MTOR: variants seen among roughly 807,000 people sequenced by gnomAD.
The protein encoded by MTOR is mechanistic target of rapamycin kinase, also known as serine/threonine-protein kinase mTOR.
A neutral mutation model predicts 319.8 loss-of-function variants in MTOR; 70 were observed. That is an observed-to-expected ratio of 0.22 (90% CI 0.18 to 0.27). MTOR has a LOEUF of 0.27. Ranked by LOEUF, MTOR falls within the 10% of genes least tolerant of loss-of-function variation. The pLI, the probability that MTOR is intolerant of heterozygous loss-of-function variation, is 1.00. For synonymous variants in MTOR, 1,183 were observed against 1,211.4 expected (o/e 0.98, Z 0.49); for missense variants, 1,890 against 3,274.4 (o/e 0.58, Z 10.32).
intron 19 of MTOR, among the ~76,000 whole-genome samples, chr1:11,222,387 C>T (rs1056808012): frequency 1.3e-5 from 2 of 152,060 alleles, no homozygotes; most frequent in Non-Finnish European, 2.9e-5. Flanking sequence ...TTAGTAGAGA[C>T]AGGGTTTCAT....
chr1:11,244,998 A>C (rs1648631961), intron 8 of MTOR, among the ~76,000 whole-genome samples: 1 of 152,212 alleles, frequency 6.6e-6, no homozygotes, highest in South Asian at 2.1e-4. Flanking sequence ...TAAGCAATAT[A>C]TGACTGTAAT....
chr1:11,213,319 A>G, intron 21 of MTOR, 80 bp downstream of exon 21: 1 of 1,454,598 alleles, frequency 6.9e-7, no homozygotes, highest in Non-Finnish European at 9.3e-7. Context: ...ACTCAGAATG[A>G]GGTCTCAGCT....
intron 34 of MTOR, among the ~76,000 whole-genome samples, chr1:11,143,108 A>G (rs1643794009): frequency 6.6e-6 from 1 of 152,236 alleles, no homozygotes; most frequent in South Asian, 2.1e-4. Flanking sequence ...GAAAGTTAAA[A>G]TAACAGAAAA....
rs539302006 is a variant in MTOR at position 11,129,830 on chromosome 1, G to A, written c.5622C>T (p.Ser1874=). Residue 1874 remains serine, a synonymous_variant, in exon 40 of 58, where the codon TCC becomes TCT. Coordinates refer to ENST00000361445, the MANE Select transcript of MTOR (RefSeq NM_004958.4). This position sits in a 1 kb window ranked among gnomAD's most constrained non-coding sequence, Gnocchi z 4.7. ...PLQKKVTEDL[S]KTLLMYTVPA... ...GCACCGTGTACATCAGGAGGGTTTT[G>A]GACAGATCCTGTTGGAACACACACG... The A allele has an allele frequency of 3.1e-6, 5 of 1,614,112 alleles. No individual in the cohort carries two copies. The highest frequency in any genetic ancestry group is 4.2e-6 in the Non-Finnish European group (5 of 1,179,964).
rs543805206 is a variant in MTOR at position 11,231,494 on chromosome 1, G to A, written c.2515-60C>T. The A allele has an allele frequency of 4.1e-5, 65 of 1,589,044 alleles. No homozygotes were observed. In the African/African-American group the frequency reaches 8.5e-4, roughly 21 times the overall value. On this transcript the variant is annotated intron_variant, in intron 16 of 57. Coordinates refer to ENST00000361445, the MANE Select transcript of MTOR (RefSeq NM_004958.4). ...GTACGAGAGAAAAGAAAGCATAGTT[G>A]AACTCTTTGTATAATGATTATAATG...
chr1:11,220,329 G>C (rs982080366), intron 19 of MTOR, among the ~76,000 whole-genome samples: 1 of 152,102 alleles, frequency 6.6e-6, no homozygotes, highest in African/African-American at 2.4e-5. Flanking sequence ...AAGTGGGATC[G>C]TATCTACAGT....
chr1:11,126,041 C>CAA (rs757246303), intron 46 of MTOR, among the ~76,000 whole-genome samples: 522 of 27,028 alleles, frequency 0.019, 3 homozygotes, highest in Non-Finnish European at 0.028. Context: ...AACTCTGGCT[C>CAA]AAAAAAAAAA....
At chr1:11,194,744 C>A in intron 28 of MTOR, 1 of 1,600,078 alleles carries the variant, frequency 6.2e-7, no homozygotes, top group Admixed American at 1.7e-5. Flanking sequence ...TATAACTGTA[C>A]AGTTGATATT....
In MTOR at chr1:11,231,290, C is replaced by T. The variant is rs751119247; in HGVS notation, c.2649+10G>A. 2.7e-5 allele frequency: 44 copies of T among 1,613,420 alleles called. No homozygotes were observed. The highest frequency in any genetic ancestry group is 5.0e-5 in the Admixed American group (3 of 59,906). Reference sequence around the variant, plus strand: ...AAGTCTTTAAAGACCAAGTTTGCCACGTCCCCTACCTCTCTGCGTGTACCC... The same window carrying T: ...AAGTCTTTAAAGACCAAGTTTGCCATGTCCCCTACCTCTCTGCGTGTACCC... On this transcript the variant is annotated intron_variant, in intron 17 of 57. Transcript: ENST00000361445.
chr1:11,162,404 C>T (rs1180883218), intron 29 of MTOR, among the ~76,000 whole-genome samples: 6 of 152,124 alleles, frequency 3.9e-5, no homozygotes, highest in African/African-American at 1.4e-4. Flanking sequence ...GCAAGGCAGG[C>T]CAACATTCAA....
In MTOR at chr1:11,256,179, C is replaced by T. The variant is rs774585197; in HGVS notation, c.518G>A (p.Arg173His). 7 of 1,613,844 alleles carry T rather than the reference C, an allele frequency of 4.3e-6. No homozygotes were observed. The highest frequency in any genetic ancestry group is 5.9e-6 in the Non-Finnish European group (7 of 1,179,922). The change falls in exon 5 of 58, where the codon CGT becomes CAT. Residue 173 changes from arginine to histidine, a missense_variant. Physicochemically the swap from Arg to His is conservative, Grantham distance 29 (BLOSUM62 0). Around this residue, in one of 15 missense-constraint regions of MTOR, gnomAD observed 81 missense variants for 203.6 expected, o/e 0.40. Coordinates refer to ENST00000361445, the MANE Select transcript of MTOR (RefSeq NM_004958.4). ...GRRHAAVLVL[R>H]ELAISVPTFF... ...GGTAGGGACGCTGATGGCCAGCTCA[C>T]GGAGAACCAGGACCTGGAGAAAAAA...
In MTOR at chr1:11,129,508, A is replaced by T. The variant is rs1643009855; in HGVS notation, c.5714+230T>A. ...TAATAATCCCTCCATAATAAACCACACATGGAGAGTTCTCACTCCACTTCT... is the reference window on the plus strand; with the variant it reads ...TAATAATCCCTCCATAATAAACCACTCATGGAGAGTTCTCACTCCACTTCT... On this transcript the variant is annotated intron_variant, in intron 40 of 57. Coordinates refer to ENST00000361445, the MANE Select transcript of MTOR (RefSeq NM_004958.4). The surrounding 1 kb of genome is among the most constrained non-coding windows in gnomAD (Gnocchi z 4.7). 6.6e-6 allele frequency among the ~76,000 whole-genome samples: 1 copy of T among 152,246 alleles called. No individual in the cohort carries two copies. Among genetic ancestry groups the T allele is most frequent in the African/African-American group, 2.4e-5 (1 of 41,468 alleles).
intron 49 of MTOR, 111 bp from the exon 50 acceptor site, chr1:11,117,197 G>T: frequency 1.1e-6 from 1 of 872,402 alleles, no homozygotes; most frequent in Non-Finnish European, 1.7e-6. Context: ...GTCTCGCTCT[G>T]TCGCCCAGGC....
chr1:11,167,627 C>A, intron 28 of MTOR, 110 bp from the exon 29 acceptor site: 1 of 787,060 alleles, frequency 1.3e-6, no homozygotes, highest in Non-Finnish European at 2.2e-6. Flanking sequence ...CAATGTCTTG[C>A]AGATGCTGAA....
chr1:11,206,786 T>C (rs1646152096), intron 25 of MTOR, among the ~76,000 whole-genome samples: 1 of 152,198 alleles, frequency 6.6e-6, no homozygotes, highest in Non-Finnish European at 1.5e-5. Context: ...TCGCCTCATC[T>C]GGTGATGCTG....
chr1:11,120,301 G>A (rs892742770), intron 49 of MTOR, among the ~76,000 whole-genome samples: 1 of 152,036 alleles, frequency 6.6e-6, no homozygotes, highest in African/African-American at 2.4e-5. Flanking sequence ...CACTTTGGGA[G>A]GCCAAGGTGG....
At chr1:11,117,503 T>C (rs1420827466) in intron 49 of MTOR, among the ~76,000 whole-genome samples, 2 of 152,218 alleles carry the variant, frequency 1.3e-5, no homozygotes, top group Non-Finnish European at 2.9e-5. Flanking sequence ...CTGGTTAGAA[T>C]GTATAACATT....
At chr1:11,162,282 G>A (rs541176057) in intron 29 of MTOR, among the ~76,000 whole-genome samples, 18 of 152,346 alleles carry the variant, frequency 1.2e-4, no homozygotes, top group Admixed American at 1.1e-3. Context: ...GGGACTATGT[G>A]AAAAGACCAA....
intron 53 of MTOR, among the ~76,000 whole-genome samples, chr1:11,113,597 T>C (rs987754272): frequency 1.3e-5 from 2 of 152,182 alleles, no homozygotes; most frequent in Non-Finnish European, 2.9e-5. Context: ...CTTTTATTTT[T>C]AAAATTAAAT....
Sources: allele counts gnomAD v4.1 joint callset (sites outside exome capture counted in the v4.1 genomes callset), GRCh38; gene constraint gnomAD v4.1.1; regional missense constraint gnomAD v4.1.1; non-coding constraint Gnocchi (gnomAD v3.1); transcripts MANE v1.5; gene names NCBI Gene and HGNC (gene_info 2026-07-23, HGNC 2026-07-21).